Variants in CDK17 observed in about 807,000 individuals in gnomAD.
CDK17 encodes the protein cyclin-dependent kinase 17.
In CDK17, 24 loss-of-function variants were observed where a neutral mutation model predicts 77.6. That is an observed-to-expected ratio of 0.31 (90% confidence interval 0.22 to 0.44). The LOEUF (loss-of-function observed/expected upper bound fraction) is 0.44, where lower values mean the gene tolerates loss of function less well. CDK17 is among the 20% of genes least tolerant of loss of function. The pLI is 1.00. For synonymous variants in CDK17, 203 were observed against 210.4 expected (o/e 0.96, Z 0.30); for missense variants, 429 against 622.5 (o/e 0.69, Z 3.31).
chr12:96,316,898 G>A (rs1212230366), intron 3 of CDK17, among the ~76,000 whole-genome samples: 1 of 150,688 alleles, frequency 6.6e-6, no homozygotes, highest in Non-Finnish European at 1.5e-5. Context: ...AACGCAGAGT[G>A]CCTCTCCTCC....
At chr12:96,396,837 A>G (rs1377341169) in intron 1 of CDK17, among the ~76,000 whole-genome samples, 1 of 152,232 alleles carries the variant, frequency 6.6e-6, no homozygotes, top group East Asian at 1.9e-4. Context: ...AAAGAATGCT[A>G]GCCCATGACG....
At position 96,294,954 on chromosome 12, in the gene CDK17, C is replaced by T. The variant is rs11835965; in HGVS notation, c.997+45G>A. 0.21 allele frequency: 314,463 copies of T among 1,529,234 alleles called. 33,831 individuals are homozygous for T. The highest frequency in any genetic ancestry group is 0.28 in the South Asian group (23,077 of 81,046). The allele number at this position is 1,529,234 out of a possible 1,614,324, so 94.7% of individuals were successfully genotyped here. A position where few individuals can be genotyped will look rare whatever the true frequency, so the allele number is the denominator to read the frequency against. ...AGTGGTTGATCTTTTAACCATTACA[C>T]TTTAGAACCTGGAAGTACTAATAAA... On this transcript the variant is annotated intron_variant, in intron 10 of 16. Transcript: ENST00000261211.
At chr12:96,304,515 G>T (rs373440926) in intron 5 of CDK17, among the ~76,000 whole-genome samples, 12 of 149,542 alleles carry the variant, frequency 8.0e-5, no homozygotes, top group South Asian at 4.3e-4. Context: ...CCAGCCTGGC[G>T]ACAGAGCAAG....
At chr12:96,306,716 T>C (rs888311704) in intron 5 of CDK17, among the ~76,000 whole-genome samples, 2 of 152,150 alleles carry the variant, frequency 1.3e-5, no homozygotes, top group East Asian at 1.9e-4. Context: ...ATAAAGAATA[T>C]ATTATCCACA....
chr12:96,398,136 C>A (rs533810281), intron 1 of CDK17, among the ~76,000 whole-genome samples: 1 of 115,464 alleles, frequency 8.7e-6, no homozygotes, highest in African/African-American at 4.2e-5. Context: ...CAAAGACTCC[C>A]GTTTTTTTTT....
chr12:96,333,490 C>A (rs944673791), intron 2 of CDK17, among the ~76,000 whole-genome samples: 2 of 151,634 alleles, frequency 1.3e-5, no homozygotes. Flanking sequence ...CATGGTGAAA[C>A]CCCAACCCCA....
rs1195369550 is a variant in CDK17, at chr12:96,339,784, G to T, written c.-29-4919C>A. ...GTCTCTACTAAAAATATAAAAATTAGCCAGGCATGGTGGTGCACGCCTGTA... is the reference window on the plus strand; with the variant it reads ...GTCTCTACTAAAAATATAAAAATTATCCAGGCATGGTGGTGCACGCCTGTA... On this transcript the variant is annotated intron_variant, in intron 1 of 16. Transcript: ENST00000261211. 2.0e-5 allele frequency among the ~76,000 whole-genome samples: 3 copies of T among 151,862 alleles called. No individual in the cohort carries two copies. In the East Asian group the frequency reaches 5.8e-4, roughly 29 times the overall value.
At chr12:96,339,566 A>AC (rs1051214385) in intron 1 of CDK17, among the ~76,000 whole-genome samples, 7 of 152,092 alleles carry the variant, frequency 4.6e-5, no homozygotes, top group African/African-American at 1.7e-4. Context: ...TAAAAAAAAA[A>AC]ACCTTAGTGG....
chr12:96,386,595 T>C (rs917846490), intron 1 of CDK17, among the ~76,000 whole-genome samples: 5 of 151,954 alleles, frequency 3.3e-5, no homozygotes, highest in African/African-American at 1.2e-4. Context: ...GAGGCGGAGG[T>C]TGCAGTGAGC....
chr12:96,289,077 C>A (rs931906729), intron 11 of CDK17, 90 bp downstream of exon 11: 47 of 1,355,640 alleles, frequency 3.5e-5, no homozygotes, highest in Non-Finnish European at 4.5e-5. Context: ...AATAATATCT[C>A]CTTAAAAGTA....
intron 1 of CDK17, among the ~76,000 whole-genome samples, chr12:96,352,344 C>T (rs1366277628): frequency 6.6e-6 from 1 of 151,768 alleles, no homozygotes; most frequent in African/African-American, 2.4e-5. Context: ...TAGTTCAGTG[C>T]TCTCTCCAGA....
chr12:96,322,468 A>C (rs1171902993), intron 3 of CDK17, among the ~76,000 whole-genome samples: 2 of 151,550 alleles, frequency 1.3e-5, no homozygotes, highest in Non-Finnish European at 2.9e-5. Context: ...AAAACCTAAA[A>C]TATTTATTAC....
At chr12:96,350,324 T>C (rs1346387760) in intron 1 of CDK17, among the ~76,000 whole-genome samples, 4 of 150,234 alleles carry the variant, frequency 2.7e-5, no homozygotes, top group Admixed American at 6.6e-5. Flanking sequence ...GCCTGGGTGA[T>C]AGTGGGATCC....
chr12:96,384,833 T>G (rs192406052), intron 1 of CDK17, among the ~76,000 whole-genome samples: 1 of 151,760 alleles, frequency 6.6e-6, no homozygotes, highest in Admixed American at 6.6e-5. Flanking sequence ...CTGGGCAACA[T>G]AGACCTTGTA....
At chr12:96,379,684 C>T (rs1201755197) in intron 1 of CDK17, among the ~76,000 whole-genome samples, 2 of 152,072 alleles carry the variant, frequency 1.3e-5, no homozygotes, top group African/African-American at 4.8e-5. Context: ...TTCACCTTGG[C>T]TTCCCAAATT....
chr12:96,335,355 C>T (rs1189401472), intron 1 of CDK17: 3 of 225,002 alleles, frequency 1.3e-5, no homozygotes, highest in South Asian at 5.5e-5. Context: ...CGCTCTTACA[C>T]AGCCAGTACA....
At chr12:96,382,913 T>C (rs1475803016) in intron 1 of CDK17, among the ~76,000 whole-genome samples, 2 of 152,100 alleles carry the variant, frequency 1.3e-5, no homozygotes, top group Non-Finnish European at 2.9e-5. Context: ...TTGAAAGTCC[T>C]AGCCAGAGCA....
intron 5 of CDK17, among the ~76,000 whole-genome samples, chr12:96,310,031 T>C (rs1952626448): frequency 6.6e-6 from 1 of 152,040 alleles, no homozygotes; most frequent in Admixed American, 6.6e-5. Context: ...ACAGGAATGG[T>C]GATAGAAGCA....
At position 96,358,370 on chromosome 12, in the gene CDK17, TAA is replaced by T. The variant is rs35899533; in HGVS notation, c.-29-23507_-29-23506del. Among the ~76,000 whole-genome samples, 189 of 35,156 alleles carry T rather than the reference TAA, an allele frequency of 5.4e-3. 1 individual carries two copies. Among genetic ancestry groups the T allele is most frequent in the African/African-American group, 6.8e-3 (58 of 8,552 alleles). The allele number at this position is 35,156 out of a possible 152,430, so 23.1% of individuals were successfully genotyped here. On this transcript the variant is annotated intron_variant, in intron 1 of 16. Coordinates refer to ENST00000261211, the MANE Select transcript of CDK17 (RefSeq NM_002595.5). The stretch of plus-strand genomic sequence containing the variant: ...AAGCCCAGAACTCTGTGCAAACTTG[TAA>T]AAAAAAAAAAAAAAAAAAAAAAAAG...
Sources: allele counts gnomAD v4.1 joint callset (sites outside exome capture counted in the v4.1 genomes callset), GRCh38; gene constraint gnomAD v4.1.1; transcripts MANE v1.5; gene names NCBI Gene and HGNC (gene_info 2026-07-23, HGNC 2026-07-21).